The following ASPRV1 variants were observed in gnomAD, a reference collection of about 807,000 sequenced individuals.
ASPRV1 encodes the protein aspartic peptidase retroviral like 1, also known as retroviral-like aspartic protease 1.
ASPRV1 carries 7 observed loss-of-function variants against 11.0 expected under a neutral mutation model. The observed-to-expected ratio is 0.64, with a 90% CI of 0.36 to 1.20. The LOEUF is 1.20. ASPRV1 is among the 50% of genes most tolerant of loss of function. The pLI, the probability that ASPRV1 is intolerant of heterozygous loss-of-function variation, is 0.02. For synonymous variants in ASPRV1, 136 were observed against 138.4 expected, an observed-to-expected ratio of 0.98 and a Z score of 0.12; for missense variants, 299 against 320.0, an observed-to-expected ratio of 0.93 and a Z score of 0.50.
the ASPRV1 span, among the ~76,000 whole-genome samples, chr2:69,992,957 G>A: frequency 6.6e-6 from 1 of 152,138 alleles, no homozygotes; most frequent in Non-Finnish European, 1.5e-5. Flanking sequence ...TTTCTCAGAC[G>A]GTGAGGAATA....
the ASPRV1 span, among the ~76,000 whole-genome samples, chr2:70,059,063 A>AT: frequency 8.6e-4 from 123 of 143,608 alleles, no homozygotes; most frequent in Middle Eastern, 7.4e-3. Context: ...AATTTTTTGT[A>AT]TTTTTTTTTA....
At chr2:69,999,838 A>G in the ASPRV1 span, among the ~76,000 whole-genome samples, 2 of 140,450 alleles carry the variant, frequency 1.4e-5, no homozygotes, top group African/African-American at 5.4e-5. Context: ...CTACCTGCTC[A>G]CACCCTGCCC....
chr2:69,960,984 G>C lies in ASPRV1; in HGVS notation c.453C>G (p.Thr151=), dbSNP rs994280980. The change falls in exon 1 of 1, where the codon ACC becomes ACG. Residue 151 remains threonine (T), a synonymous_variant. Coordinates refer to ENST00000320256, the MANE Select transcript of ASPRV1 (RefSeq NM_152792.4). ...TTACCACATTCTCAAAGGGCTGCAG[G>C]GTGTCCAGATCGCCATCAGTGACCT... ...WEEVTDGDLD[T]LQPFENVVKV... is the part of the protein sequence containing the mutation. The C allele has an allele frequency of 3.1e-6, 5 of 1,613,910 alleles. No individual in the cohort carries two copies. The highest frequency in any genetic ancestry group is 4.2e-6 in the Non-Finnish European group (5 of 1,179,998).
At chr2:69,937,275 A>G in the ASPRV1 span, 1 of 1,614,132 alleles carries the variant, frequency 6.2e-7, no homozygotes, top group South Asian at 1.1e-5. Flanking sequence ...CACCAAATCG[A>G]CCAGCTTCAG....
At chr2:69,968,708 C>T in the ASPRV1 span, among the ~76,000 whole-genome samples, 1 of 152,192 alleles carries the variant, frequency 6.6e-6, no homozygotes, top group Non-Finnish European at 1.5e-5. Flanking sequence ...CAAGACCCTC[C>T]CCAGCCTGGT....
the ASPRV1 span, among the ~76,000 whole-genome samples, chr2:70,084,167 TG>T: frequency 6.6e-6 from 1 of 152,144 alleles, no homozygotes; most frequent in East Asian, 1.9e-4. Context: ...CAGGAAATTA[TG>T]GAAATATTTC....
the ASPRV1 span, among the ~76,000 whole-genome samples, chr2:69,937,718 G>A: frequency 1.8e-3 from 268 of 152,270 alleles, 3 homozygotes; most frequent in Non-Finnish European, 5.1e-4. Flanking sequence ...GGGTTCAAGC[G>A]ATTCCCCTGC....
chr2:69,953,036 G>A, the ASPRV1 span, among the ~76,000 whole-genome samples: 1 of 152,234 alleles, frequency 6.6e-6, no homozygotes, highest in East Asian at 1.9e-4. Context: ...ACAGCGGGGT[G>A]AGACATGAAA....
chr2:70,011,604 T>C, the ASPRV1 span: 1 of 152,214 alleles, frequency 6.6e-6, no homozygotes, highest in Non-Finnish European at 1.5e-5. Flanking sequence ...GAGGAAGCAA[T>C]GTGTAGGGGA....
chr2:70,011,763 TG>T, the ASPRV1 span: 3 of 152,250 alleles, frequency 2.0e-5, no homozygotes, highest in African/African-American at 4.8e-5. Context: ...CTGCAGGTGA[TG>T]GTTAAAGACC....
chr2:70,020,963 A>C, the ASPRV1 span, among the ~76,000 whole-genome samples: 1 of 152,188 alleles, frequency 6.6e-6, no homozygotes, highest in South Asian at 2.1e-4. Flanking sequence ...AATGTACTCA[A>C]TACTACTGAA....
At chr2:70,057,074 GA>G in the ASPRV1 span, among the ~76,000 whole-genome samples, 19 of 144,794 alleles carry the variant, frequency 1.3e-4, no homozygotes, top group Non-Finnish European at 1.2e-4. Flanking sequence ...GTTCATATGT[GA>G]AAAAAAAAAA....
the ASPRV1 span, among the ~76,000 whole-genome samples, chr2:70,073,606 G>C: frequency 3.3e-5 from 5 of 152,094 alleles, no homozygotes; most frequent in Non-Finnish European, 5.9e-5. Context: ...GCTTAACAAG[G>C]AAAGAAAAAG....
At chr2:70,020,857 G>A in the ASPRV1 span, among the ~76,000 whole-genome samples, 2 of 152,116 alleles carry the variant, frequency 1.3e-5, no homozygotes, top group East Asian at 1.9e-4. Flanking sequence ...GGCTGAGGGA[G>A]GGGAGAATAG....
the ASPRV1 span, among the ~76,000 whole-genome samples, chr2:69,934,348 G>C: frequency 1.3e-5 from 2 of 152,152 alleles, no homozygotes; most frequent in African/African-American, 4.8e-5. Context: ...AATTTTCCAG[G>C]TTCTAGAATA....
At chr2:69,947,636 C>A in the ASPRV1 span, among the ~76,000 whole-genome samples, 1 of 152,000 alleles carries the variant, frequency 6.6e-6, no homozygotes, top group Non-Finnish European at 1.5e-5. Context: ...TACTGCCATG[C>A]GGAATCACAG....
chr2:69,999,981 C>T, the ASPRV1 span, among the ~76,000 whole-genome samples: 1 of 152,206 alleles, frequency 6.6e-6, no homozygotes, highest in Non-Finnish European at 1.5e-5. Context: ...TCTAGCCCTG[C>T]CCCACCTTCG....
chr2:69,984,357 G>A, the ASPRV1 span, among the ~76,000 whole-genome samples: 1 of 152,242 alleles, frequency 6.6e-6, no homozygotes, highest in South Asian at 2.1e-4. Flanking sequence ...TTAAATAAAT[G>A]CTCTTTTTGG....
chr2:69,948,460 C>A, the ASPRV1 span, among the ~76,000 whole-genome samples: 750 of 152,306 alleles, frequency 4.9e-3, 4 homozygotes, highest in African/African-American at 0.017. Flanking sequence ...GGGATGACCC[C>A]GTGGTTGCCA....
Sources: gnomAD v4.1 joint callset for allele counts (sites outside exome capture counted in the v4.1 genomes callset) on GRCh38, gnomAD v4.1.1 for gene constraint, MANE v1.5 for transcripts, NCBI Gene and HGNC (gene_info 2026-07-23, HGNC 2026-07-21) for gene names.